Variants in EGLN1 observed in about 807,000 individuals in gnomAD.
EGLN1 encodes egl-9 family hypoxia inducible factor 1, also known as egl nine homolog 1.
A neutral mutation model predicts 38.3 loss-of-function variants in EGLN1; 17 were observed. The ratio of observed to expected loss-of-function variants is 0.44; its 90% CI spans 0.30 to 0.67. EGLN1 has a LOEUF of 0.67. Among genes scored for constraint, EGLN1 ranks in the 30% least tolerant of loss-of-function variants. The pLI is 0.08. For missense variants in EGLN1, 477 were observed against 603.3 expected (o/e 0.79, Z 2.19); for synonymous variants, 283 against 257.5 (o/e 1.10, Z -0.95).
chr1:231,380,315 C>CAAAAAA (rs35280417), intron 1 of EGLN1, among the ~76,000 whole-genome samples: 26 of 101,724 alleles, frequency 2.6e-4, no homozygotes, highest in Middle Eastern at 5.6e-3. Flanking sequence ...GACTCCGTCT[C>CAAAAAA]AAAAAAAAAA....
intron 1 of EGLN1, among the ~76,000 whole-genome samples, chr1:231,389,655 C>T (rs993932584): frequency 6.6e-6 from 1 of 152,002 alleles, no homozygotes; most frequent in African/African-American, 2.4e-5. Flanking sequence ...AGATTAAGAA[C>T]AGTGGGGCTC....
At chr1:231,382,583 G>A (rs1372697972) in intron 1 of EGLN1, among the ~76,000 whole-genome samples, 1 of 152,202 alleles carries the variant, frequency 6.6e-6, no homozygotes, top group Non-Finnish European at 1.5e-5. Flanking sequence ...GCTCTTACAT[G>A]AACATATACA....
chr1:231,401,281 T>C (rs1688656045), intron 1 of EGLN1, among the ~76,000 whole-genome samples: 1 of 152,150 alleles, frequency 6.6e-6, no homozygotes, highest in Admixed American at 6.5e-5. Context: ...ACCTCAATTA[T>C]AGAATGAGGA....
chr1:231,387,059 A>G (rs1688230668), intron 1 of EGLN1, among the ~76,000 whole-genome samples: 1 of 151,504 alleles, frequency 6.6e-6, no homozygotes, highest in Non-Finnish European at 1.5e-5. Flanking sequence ...AGGTCTCGCT[A>G]TGTTGCCCAG....
At chr1:231,381,077 T>G (rs1055434072) in intron 1 of EGLN1, among the ~76,000 whole-genome samples, 5 of 152,074 alleles carry the variant, frequency 3.3e-5, no homozygotes, top group Non-Finnish European at 7.4e-5. Context: ...TGGCTAATTT[T>G]TTAATGTTTT....
rs1407123012 is a variant in EGLN1, at chr1:231,366,307, C to A, written c.*104G>T. The A allele has an allele frequency of 3.8e-5, 50 of 1,304,250 alleles. No homozygotes were observed. Among genetic ancestry groups the A allele is most frequent in the Non-Finnish European group, 4.9e-5 (45 of 911,478 alleles). The allele number at this position is 1,304,250 out of a possible 1,614,324, so 80.8% of individuals were successfully genotyped here. A position where few individuals can be genotyped will look rare whatever the true frequency, so the allele number is the denominator to read the frequency against. On this transcript the variant is annotated 3_prime_UTR_variant, in exon 5 of 5. Coordinates refer to ENST00000366641, the MANE Select transcript of EGLN1 (RefSeq NM_022051.3). The stretch of plus-strand genomic sequence containing the variant: ...TTGTTTCTGTTTCCTTATTAAAATG[C>A]GAACTGGTTGTCTATTTTTCTTTAT...
intron 4 of EGLN1, among the ~76,000 whole-genome samples, chr1:231,366,811 T>C (rs1475278718): frequency 2.0e-5 from 3 of 152,222 alleles, no homozygotes; most frequent in Non-Finnish European, 2.9e-5. Flanking sequence ...TAAAAATACA[T>C]AGAAAATGCA....
Position 231,404,925 on chromosome 1 carries a change from G to A in EGLN1, c.891+16073C>T, listed in dbSNP as rs1688749875. Among the ~76,000 whole-genome samples, 3 of 152,058 alleles carry A rather than the reference G, an allele frequency of 2.0e-5. No homozygotes were observed. In the South Asian group the frequency reaches 6.2e-4, roughly 31 times the overall value. On this transcript the variant is annotated intron_variant, in intron 1 of 4. Coordinates refer to ENST00000366641, the MANE Select transcript of EGLN1 (RefSeq NM_022051.3). ...TCAGTTCAAGATGCCCTTATCAACT[G>A]AACACTATTTCCTTTCTCACAGTGC...
chr1:231,389,889 A>T (rs571211945), intron 1 of EGLN1, among the ~76,000 whole-genome samples: 1 of 152,304 alleles, frequency 6.6e-6, no homozygotes, highest in South Asian at 2.1e-4. Flanking sequence ...CAGAGGTTGC[A>T]GTGAACTGAG....
At chr1:231,386,136 G>A (rs1461230477) in intron 1 of EGLN1, among the ~76,000 whole-genome samples, 1 of 151,162 alleles carries the variant, frequency 6.6e-6, no homozygotes, top group African/African-American at 2.4e-5. Context: ...TTCAATAATA[G>A]CGTAACTCCC....
chr1:231,405,423 C>T (rs1688763906), intron 1 of EGLN1, among the ~76,000 whole-genome samples: 1 of 152,056 alleles, frequency 6.6e-6, no homozygotes, highest in Non-Finnish European at 1.5e-5. Context: ...GTGATCCGCC[C>T]ACCTCAGCCT....
chr1:231,363,922 T>C lies in EGLN1; in HGVS notation c.*2489A>G, dbSNP rs1400058424. On this transcript the variant is annotated 3_prime_UTR_variant, in exon 5 of 5. Coordinates refer to ENST00000366641, the MANE Select transcript of EGLN1 (RefSeq NM_022051.3). ...TTGATAAAGGTCTGTGTTTTACAGC[T>C]GGTTAATGTGTTGAATAAAAACAGC... The C allele has an allele frequency of 6.6e-6, 1 of 152,232 alleles. No individual in the cohort carries two copies. Among genetic ancestry groups the C allele is most frequent in the South Asian group, 2.1e-4 (1 of 4,836 alleles). The allele number at this position is 152,232 out of a possible 1,614,324, so 9.4% of individuals were successfully genotyped here.
At chr1:231,403,503 G>A (rs1258137880) in intron 1 of EGLN1, among the ~76,000 whole-genome samples, 1 of 151,964 alleles carries the variant, frequency 6.6e-6, no homozygotes, top group African/African-American at 2.4e-5. Flanking sequence ...GGGTGCAGTG[G>A]CTCATGCTTG....
intron 1 of EGLN1, among the ~76,000 whole-genome samples, chr1:231,402,108 T>G (rs1433885230): frequency 6.6e-6 from 1 of 152,190 alleles, no homozygotes; most frequent in Non-Finnish European, 1.5e-5. Flanking sequence ...TTCCTGTATC[T>G]TCTTTTGTGA....
At chr1:231,413,109 G>A (rs754116502) in intron 1 of EGLN1, among the ~76,000 whole-genome samples, 28 of 151,868 alleles carry the variant, frequency 1.8e-4, no homozygotes, top group Admixed American at 4.6e-4. Context: ...AGAGTCTCAC[G>A]CTGCTGCCCA....
Position 231,422,084 on chromosome 1 carries a change from A to T in EGLN1, c.-196T>A. On this transcript the variant is annotated 5_prime_UTR_variant, in exon 1 of 5. Transcript: ENST00000366641. ...GCTTCCGAGTCCTAAGCTCCGGCGC[A>T]GCGCCGGCAGCCGCCTCAGCGCCTC... The T allele has an allele frequency of 2.2e-6, 1 of 460,194 alleles. No homozygotes were observed. Among genetic ancestry groups the T allele is most frequent in the Non-Finnish European group, 3.6e-6 (1 of 281,054 alleles). The allele number at this position is 460,194 out of a possible 1,614,324, so 28.5% of individuals were successfully genotyped here.
At chr1:231,409,252 AAAAAC>A (rs1688870460) in intron 1 of EGLN1, among the ~76,000 whole-genome samples, 1 of 145,086 alleles carries the variant, frequency 6.9e-6, no homozygotes, top group African/African-American at 2.6e-5. Flanking sequence ...AAAAAAAAAA[AAAAAC>A]AAAAAAAAAC....
At chr1:231,385,845 AT>A (rs935901586) in intron 1 of EGLN1, among the ~76,000 whole-genome samples, 1 of 151,970 alleles carries the variant, frequency 6.6e-6, no homozygotes, top group Non-Finnish European at 1.5e-5. Context: ...AAAGGAGCTG[AT>A]TTTTTTCTTT....
At chr1:231,418,193 C>T (rs1689133379) in intron 1 of EGLN1, among the ~76,000 whole-genome samples, 1 of 152,144 alleles carries the variant, frequency 6.6e-6, no homozygotes, top group South Asian at 2.1e-4. Context: ...TACTGACAGG[C>T]GCATAATTCA....
Sources: gnomAD v4.1 joint callset for allele counts (sites outside exome capture counted in the v4.1 genomes callset) on GRCh38, gnomAD v4.1.1 for gene constraint, MANE v1.5 for transcripts, NCBI Gene and HGNC (gene_info 2026-07-23, HGNC 2026-07-21) for gene names.